Variants in SPATA7 observed in about 807,000 individuals in gnomAD.
The protein encoded by SPATA7 is spermatogenesis associated 7.
Under a neutral mutation model 51.8 loss-of-function variants are expected in SPATA7, and 43 were observed. That is an observed-to-expected ratio of 0.83 (90% CI 0.65 to 1.07). The LOEUF (loss-of-function observed/expected upper bound fraction) is 1.07, where lower values mean the gene tolerates loss of function less well. SPATA7 is among the 50% of genes least tolerant of loss of function. The probability of loss-of-function intolerance (pLI) is 0.00; values close to 1 mark genes in which losing one functional copy is unlikely to be tolerated. For synonymous variants in SPATA7, 230 were observed against 252.8 expected, an observed-to-expected ratio of 0.91 and a Z score of 0.86; for missense variants, 683 against 701.3, an observed-to-expected ratio of 0.97 and a Z score of 0.30.
At chr14:88,446,932 G>T (rs968997982) in intron 3 of SPATA7, among the ~76,000 whole-genome samples, 2 of 152,124 alleles carry the variant, frequency 1.3e-5, no homozygotes, top group African/African-American at 4.8e-5. Flanking sequence ...AATAGGTGTG[G>T]TGTGGTGCTG....
intron 11 of SPATA7, 35 bp from the exon 12 acceptor site, chr14:88,437,803 T>C: frequency 6.4e-7 from 1 of 1,552,612 alleles, no homozygotes; most frequent in South Asian, 1.2e-5. Flanking sequence ...TTTGACTCAA[T>C]TAATGTAATT....
chr14:88,446,961 T>C (rs1217013949), intron 3 of SPATA7, among the ~76,000 whole-genome samples: 1 of 152,226 alleles, frequency 6.6e-6, no homozygotes, highest in East Asian at 1.9e-4. Context: ...GTACATTCTG[T>C]TGATTTGGGG....
intron 7 of SPATA7, chr14:88,429,069 A>G (rs766354365): frequency 8.7e-6 from 2 of 228,662 alleles, no homozygotes; most frequent in Non-Finnish European, 1.7e-5. Context: ...AAAGTTGAAA[A>G]TTTGCTTCAT....
chr14:88,413,660 A>C (rs766935454), intron 4 of SPATA7, among the ~76,000 whole-genome samples: 1 of 152,036 alleles, frequency 6.6e-6, no homozygotes, highest in Non-Finnish European at 1.5e-5. Context: ...TTGCTCATTC[A>C]GTATGATGTT....
chr14:88,461,474 G>C (rs981346041), intron 4 of SPATA7, among the ~76,000 whole-genome samples: 1 of 152,138 alleles, frequency 6.6e-6, no homozygotes, highest in Admixed American at 6.5e-5. Context: ...TGCTAGCAGT[G>C]AGTGAGTATC....
intron 6 of SPATA7, among the ~76,000 whole-genome samples, chr14:88,426,909 A>C (rs2076809835): frequency 6.6e-6 from 1 of 152,182 alleles, no homozygotes; most frequent in African/African-American, 2.4e-5. Flanking sequence ...CTGGTCAAGC[A>C]CCTTATGCGT....
chr14:88,416,923 A>G (rs957254738), intron 5 of SPATA7, 79 bp downstream of exon 5: 15 of 1,342,052 alleles, frequency 1.1e-5, no homozygotes, highest in African/African-American at 4.4e-5. Flanking sequence ...TTTGTTTACT[A>G]TAGTTTAGGG....
chr14:88,426,224 G>A lies in SPATA7; in HGVS notation c.373-8G>A. 6.2e-7 allele frequency: 1 copy of A among 1,604,676 alleles called. No individual in the cohort carries two copies. Among genetic ancestry groups the A allele is most frequent in the Non-Finnish European group, 8.5e-7 (1 of 1,172,032 alleles). On this transcript the variant is annotated splice_region_variant and splice_polypyrimidine_tract_variant and intron_variant, in intron 5 of 11. Transcript: ENST00000393545. ...GCAGTTGATGACTGTCATATCGAAT[G>A]TTCTTAGCCCTCAGGCGAACCGCAA...
chr14:88,468,335 A>C, intron 4 of SPATA7: 1 of 1,422,994 alleles, frequency 7.0e-7, no homozygotes, highest in Non-Finnish European at 9.5e-7. Flanking sequence ...GGAGGACACG[A>C]GTGTCCTGGC....
chr14:88,439,346 C>T (rs192139627), downstream of SPATA7, among the ~76,000 whole-genome samples: 75 of 152,174 alleles, frequency 4.9e-4, 1 homozygote, highest in East Asian at 0.013. Context: ...CTGTCTGAAG[C>T]CCTCTCCTAC....
chr14:88,406,251 A>G lies in SPATA7; in HGVS notation c.238+10048A>G, dbSNP rs1200026733. On this transcript the variant is annotated intron_variant, in intron 4 of 11. Transcript: ENST00000393545. ...GAATTATTTAAATAATTTAATTTTT[A>G]TAGAAGTTTTATTGAAAAATAATTT... Among the ~76,000 whole-genome samples, 3 of 152,124 alleles carry G rather than the reference A, an allele frequency of 2.0e-5. No individual in the cohort carries two copies. In the East Asian group the frequency reaches 5.8e-4, roughly 29 times the overall value.
At chr14:88,436,695 G>A (rs2077098047) in intron 10 of SPATA7, among the ~76,000 whole-genome samples, 1 of 152,068 alleles carries the variant, frequency 6.6e-6, no homozygotes, top group Non-Finnish European at 1.5e-5. Flanking sequence ...TTTCCCCAGT[G>A]TATGTATGTT....
At chr14:88,448,067 T>C (rs1475981970) in intron 3 of SPATA7, among the ~76,000 whole-genome samples, 4 of 152,148 alleles carry the variant, frequency 2.6e-5, no homozygotes, top group Non-Finnish European at 4.4e-5. Context: ...CTGGATAATA[T>C]CTTGCAGAGT....
intron 4 of SPATA7, among the ~76,000 whole-genome samples, chr14:88,463,474 G>T (rs2077330503): frequency 6.6e-6 from 1 of 152,110 alleles, no homozygotes; most frequent in South Asian, 2.1e-4. Flanking sequence ...TTTATTCTCT[G>T]ATCTCACCAG....
At chr14:88,456,051 G>A (rs1486357565), downstream of SPATA7, among the ~76,000 whole-genome samples, 1 of 152,048 alleles carries the variant, frequency 6.6e-6, no homozygotes, top group Non-Finnish European at 1.5e-5. Context: ...CAAAGGACAT[G>A]AACTCATCAT....
chr14:88,431,163 T>G lies in SPATA7; in HGVS notation c.1029-9T>G, dbSNP rs1278968435. ...GTTTTGCTCAACTACTTTAACTTCC[T>G]CTTTCTAGGGCAATGTGTCAGTATT... On this transcript the variant is annotated splice_polypyrimidine_tract_variant and intron_variant, in intron 8 of 11. Coordinates refer to ENST00000393545, the MANE Select transcript of SPATA7 (RefSeq NM_018418.5). 1 of 1,613,480 alleles carries G rather than the reference T, an allele frequency of 6.2e-7. No homozygotes were observed. Among genetic ancestry groups the G allele is most frequent in the Admixed American group, 1.7e-5 (1 of 60,026 alleles).
intron 5 of SPATA7, among the ~76,000 whole-genome samples, chr14:88,419,353 T>C (rs2076572749): frequency 6.6e-6 from 1 of 152,074 alleles, no homozygotes; most frequent in East Asian, 1.9e-4. Context: ...TCTATTAATA[T>C]TTTCTGATAG....
At chr14:88,464,131 C>T (rs529282777) in intron 4 of SPATA7, among the ~76,000 whole-genome samples, 28 of 152,134 alleles carry the variant, frequency 1.8e-4, no homozygotes, top group South Asian at 4.2e-4. Context: ...TGAGCCACCA[C>T]GACCGGCCTT....
In SPATA7 at chr14:88,399,951, C is replaced by T. The variant is rs114063349; in HGVS notation, c.238+3748C>T. Among the ~76,000 whole-genome samples, 1,133 of 152,194 alleles carry T rather than the reference C, an allele frequency of 7.4e-3. 11 individuals carry two copies. The highest frequency in any genetic ancestry group is 0.026 in the African/African-American group (1,096 of 41,534). ...AGACCCAGACAGAAATCATTTAAACCGCTGACTTGAACAACATAATAGACC... is the reference window on the plus strand; with the variant it reads ...AGACCCAGACAGAAATCATTTAAACTGCTGACTTGAACAACATAATAGACC... On this transcript the variant is annotated intron_variant, in intron 4 of 11. Coordinates refer to ENST00000393545, the MANE Select transcript of SPATA7 (RefSeq NM_018418.5).
Sources: gnomAD v4.1 joint callset for allele counts (sites outside exome capture counted in the v4.1 genomes callset) on GRCh38, gnomAD v4.1.1 for gene constraint, MANE v1.5 for transcripts, NCBI Gene and HGNC (gene_info 2026-07-23, HGNC 2026-07-21) for gene names.